Variants in CCNC observed in about 807,000 individuals in gnomAD.
CCNC encodes the protein cyclin C, also known as cyclin-C.
In CCNC, 19 loss-of-function variants were observed where a neutral mutation model predicts 50.0. The ratio of observed to expected loss-of-function variants is 0.38; its 90% CI spans 0.27 to 0.56. The LOEUF (loss-of-function observed/expected upper bound fraction) is 0.56. CCNC is among the 20% of genes least tolerant of loss of function. The pLI is 0.72. For synonymous variants in CCNC, 93 were observed against 103.7 expected (o/e 0.90, Z 0.63); for missense variants, 200 against 327.1 (o/e 0.61, Z 3.00).
intron 5 of CCNC, among the ~76,000 whole-genome samples, chr6:99,556,512 C>T (rs919799811): frequency 2.6e-5 from 4 of 152,184 alleles, no homozygotes; most frequent in Admixed American, 6.5e-5. Context: ...TAGCATTACC[C>T]TCATGTGTGA....
chr6:99,566,462 C>A (rs756006718), intron 1 of CCNC, among the ~76,000 whole-genome samples: 7 of 151,850 alleles, frequency 4.6e-5, no homozygotes, highest in Non-Finnish European at 8.8e-5. Context: ...CTGTGGATAC[C>A]AATAAAGTAT....
chr6:99,554,144 T>TA (rs1261213081), intron 5 of CCNC, among the ~76,000 whole-genome samples: 1 of 152,088 alleles, frequency 6.6e-6, no homozygotes, highest in Admixed American at 6.5e-5. Context: ...AATGCCCCTC[T>TA]ACTGGAATTT....
Position 99,561,412 on chromosome 6 carries a change from A to G in CCNC, c.249T>C (p.Pro83=). Residue 83 remains proline (P), a synonymous_variant, in exon 4 of 12, where the codon CCT becomes CCC. Transcript: ENST00000520429. ...YARYSLKSID[P]VLMAPTCVFL... ...ACACACATGTAGGAGCCATTAATAC[A>G]GGATCTATACTTTTCAGAGAATACC... 6.3e-7 allele frequency: 1 copy of G among 1,589,148 alleles called. No homozygotes were observed. The highest frequency in any genetic ancestry group is 8.5e-7 in the Non-Finnish European group (1 of 1,170,330).
intron 4 of CCNC, among the ~76,000 whole-genome samples, chr6:99,559,698 A>G (rs1802692754): frequency 1.3e-5 from 2 of 150,712 alleles, no homozygotes; most frequent in Non-Finnish European, 3.0e-5. Context: ...GAAAGACTAC[A>G]TTCTCTTTCT....
intron 4 of CCNC, among the ~76,000 whole-genome samples, chr6:99,560,136 C>G (rs1257655873): frequency 2.0e-5 from 3 of 152,118 alleles, no homozygotes; most frequent in Non-Finnish European, 4.4e-5. Context: ...AGATTAAAAT[C>G]CTCAAATTAA....
chr6:99,545,988 A>G (rs1206969072), intron 10 of CCNC, among the ~76,000 whole-genome samples: 1 of 151,174 alleles, frequency 6.6e-6, no homozygotes, highest in Admixed American at 6.6e-5. Context: ...TTTTTTTTTT[A>G]AACGGAGTCT....
intron 3 of CCNC, 51 bp from the exon 4 acceptor site, chr6:99,561,487 G>A: frequency 7.0e-7 from 1 of 1,418,626 alleles, no homozygotes; most frequent in Non-Finnish European, 9.7e-7. Context: ...AAAACACACT[G>A]GGAAAAAAAT....
chr6:99,544,729 G>A (rs72926287), intron 11 of CCNC, among the ~76,000 whole-genome samples: 4,866 of 136,700 alleles, frequency 0.036, 113 homozygotes, highest in Non-Finnish European at 0.05. Flanking sequence ...TATAAAACAG[G>A]ACAATAGCCA....
chr6:99,564,422 CAAAA>C (rs11345511), intron 1 of CCNC, among the ~76,000 whole-genome samples: 6 of 97,174 alleles, frequency 6.2e-5, no homozygotes, highest in Non-Finnish European at 4.1e-5. Context: ...GAGACTCTGT[CAAAA>C]AAAAAAAAAA....
chr6:99,556,337 C>G (rs1253431096), intron 5 of CCNC, among the ~76,000 whole-genome samples: 1 of 152,180 alleles, frequency 6.6e-6, no homozygotes, highest in Non-Finnish European at 1.5e-5. Flanking sequence ...TGTAATCACA[C>G]AATATTTGTC....
At chr6:99,555,817 C>T (rs1395322970) in intron 5 of CCNC, among the ~76,000 whole-genome samples, 1 of 152,156 alleles carries the variant, frequency 6.6e-6, no homozygotes, top group Non-Finnish European at 1.5e-5. Flanking sequence ...GTTCTACTAA[C>T]ATATTTATAC....
At chr6:99,550,893 G>T in intron 7 of CCNC, 100 bp downstream of exon 7, 2 of 586,694 alleles carry the variant, frequency 3.4e-6, no homozygotes, top group South Asian at 2.9e-5. Context: ...TAGGTGGATG[G>T]TTTTAAAATG....
chr6:99,554,352 T>C (rs1802428829), intron 5 of CCNC, among the ~76,000 whole-genome samples: 1 of 152,216 alleles, frequency 6.6e-6, no homozygotes, highest in African/African-American at 2.4e-5. Context: ...TTTTCCTCCC[T>C]TTCCATATGT....
chr6:99,547,486 C>CA (rs200318712), intron 9 of CCNC, among the ~76,000 whole-genome samples: 10,811 of 130,524 alleles, frequency 0.083, 1,169 homozygotes, highest in East Asian at 0.51. Flanking sequence ...CCAAGTCTTA[C>CA]AAAAAAAAAA....
At chr6:99,565,723 G>C (rs1293851356) in intron 1 of CCNC, among the ~76,000 whole-genome samples, 1 of 151,860 alleles carries the variant, frequency 6.6e-6, no homozygotes, top group Non-Finnish European at 1.5e-5. Flanking sequence ...GATAAATGTT[G>C]AATTGTATTA....
intron 4 of CCNC, 107 bp downstream of exon 4, chr6:99,561,260 G>T: frequency 1.3e-6 from 1 of 767,050 alleles, no homozygotes; most frequent in Non-Finnish European, 2.3e-6. Flanking sequence ...TTAGTATTTT[G>T]CATAAATTAC....
intron 2 of CCNC, 90 bp downstream of exon 2, chr6:99,562,752 A>G (rs1802834931): frequency 7.4e-6 from 5 of 679,720 alleles, no homozygotes; most frequent in Non-Finnish European, 1.2e-5. Context: ...TTAGGTATGC[A>G]CTAAAACAGT....
intron 2 of CCNC, 31 bp from the exon 3 acceptor site, chr6:99,561,712 A>G: frequency 1.7e-6 from 2 of 1,207,720 alleles, no homozygotes; most frequent in African/African-American, 1.5e-5. Flanking sequence ...TTTTAAATGT[A>G]TCTTCTGGTA....
intron 8 of CCNC, among the ~76,000 whole-genome samples, chr6:99,549,900 T>C (rs1802221425): frequency 6.6e-6 from 1 of 152,182 alleles, no homozygotes. Flanking sequence ...AGTAAATTTA[T>C]ATGTATGTTG....
Sources: allele counts gnomAD v4.1 joint callset (sites outside exome capture counted in the v4.1 genomes callset), GRCh38; gene constraint gnomAD v4.1.1; transcripts MANE v1.5; gene names NCBI Gene and HGNC (gene_info 2026-07-23, HGNC 2026-07-21).